Variants in FTO observed in about 807,000 individuals in gnomAD.
FTO encodes the protein alpha-ketoglutarate-dependent dioxygenase FTO.
Under a neutral mutation model 63.9 loss-of-function variants are expected in FTO, and 47 were observed. The observed-to-expected ratio is 0.74, with a 90% confidence interval of 0.58 to 0.94. FTO has a LOEUF of 0.94. Ranked by LOEUF, FTO falls within the 40% of genes least tolerant of loss-of-function variation. FTO has a pLI of 0.00. For missense variants in FTO, 562 were observed against 618.1 expected (o/e 0.91, Z 0.96); for synonymous variants, 207 against 224.4 (o/e 0.92, Z 0.69).
At chr16:54,003,818 CTT>C (rs1383642904) in intron 8 of FTO, among the ~76,000 whole-genome samples, 1 of 152,002 alleles carries the variant, frequency 6.6e-6, no homozygotes, top group Non-Finnish European at 1.5e-5. Flanking sequence ...ATTTTATAGT[CTT>C]TTTAAAAAAA....
At chr16:53,799,613 A>G (rs2078166824) in intron 1 of FTO, among the ~76,000 whole-genome samples, 1 of 152,078 alleles carries the variant, frequency 6.6e-6, no homozygotes, top group Non-Finnish European at 1.5e-5. Context: ...CCTGTAGTAG[A>G]GGGATAACAC....
At chr16:54,105,060 A>C (rs1315949362) in intron 8 of FTO, among the ~76,000 whole-genome samples, 1 of 152,214 alleles carries the variant, frequency 6.6e-6, no homozygotes, top group East Asian at 1.9e-4. Context: ...TAAAGCAGAG[A>C]AGCATTAACT....
intron 1 of FTO, among the ~76,000 whole-genome samples, chr16:53,799,248 AATT>A (rs1438499051): frequency 6.6e-6 from 1 of 151,970 alleles, no homozygotes; most frequent in African/African-American, 2.4e-5. Context: ...ATTTATGTAG[AATT>A]ATTATTATTT....
At chr16:54,061,100 G>T (rs983562643) in intron 8 of FTO, among the ~76,000 whole-genome samples, 11 of 152,160 alleles carry the variant, frequency 7.2e-5, no homozygotes, top group African/African-American at 2.7e-4. Flanking sequence ...AATCCCTTGA[G>T]GGTCCATTCC....
intron 1 of FTO, among the ~76,000 whole-genome samples, chr16:53,796,683 T>C (rs925979904): frequency 6.6e-6 from 1 of 152,192 alleles, no homozygotes; most frequent in African/African-American, 2.4e-5. Context: ...ATGAACGAAA[T>C]TGAATGATAA....
intron 1 of FTO, among the ~76,000 whole-genome samples, chr16:53,739,371 G>GTT (rs57891950): frequency 6.6e-5 from 9 of 137,196 alleles, no homozygotes; most frequent in African/African-American, 1.3e-4. Context: ...ACACCTGGCT[G>GTT]TTTTTTTTTT....
At chr16:54,032,300 G>A (rs2084850962) in intron 8 of FTO, among the ~76,000 whole-genome samples, 1 of 152,204 alleles carries the variant, frequency 6.6e-6, no homozygotes, top group South Asian at 2.1e-4. Context: ...TGGTTTGGAG[G>A]ATGAAGAAGA....
At chr16:54,062,555 A>G (rs1044818613) in intron 8 of FTO, among the ~76,000 whole-genome samples, 2 of 151,940 alleles carry the variant, frequency 1.3e-5, no homozygotes, top group Non-Finnish European at 2.9e-5. Flanking sequence ...TTTCTTTATA[A>G]TTTGTAGAGA....
intron 8 of FTO, among the ~76,000 whole-genome samples, chr16:53,983,103 A>G (rs1231224504): frequency 6.6e-6 from 1 of 152,142 alleles, no homozygotes; most frequent in Non-Finnish European, 1.5e-5. Context: ...TTTATTTCCA[A>G]AGATCCTGAG....
intron 7 of FTO, among the ~76,000 whole-genome samples, chr16:53,932,075 T>C (rs897966599): frequency 2.0e-5 from 3 of 152,166 alleles, no homozygotes; most frequent in African/African-American, 7.2e-5. Flanking sequence ...GTTATGTGCC[T>C]GGCCCAGTGA....
At chr16:53,752,982 A>G (rs953071393) in intron 1 of FTO, among the ~76,000 whole-genome samples, 15 of 150,616 alleles carry the variant, frequency 1.0e-4, no homozygotes, top group Non-Finnish European at 1.5e-4. Flanking sequence ...GGTTAGGGAT[A>G]GGAATAGGTG....
chr16:53,847,669 G>A (rs1057422539), intron 4 of FTO, among the ~76,000 whole-genome samples: 5 of 151,882 alleles, frequency 3.3e-5, no homozygotes, highest in African/African-American at 1.2e-4. Flanking sequence ...TCTGGAAGCT[G>A]AGGCAGGAGA....
At chr16:54,065,260 CCTT>C (rs1426342528) in intron 8 of FTO, among the ~76,000 whole-genome samples, 3 of 151,952 alleles carry the variant, frequency 2.0e-5, no homozygotes, top group East Asian at 1.9e-4. Flanking sequence ...TAGGCTTGAG[CCTT>C]CTTCTGCCTC....
At chr16:53,987,479 A>G (rs554785174) in intron 8 of FTO, among the ~76,000 whole-genome samples, 107 of 151,462 alleles carry the variant, frequency 7.1e-4, no homozygotes, top group Non-Finnish European at 1.3e-3. Flanking sequence ...GCTACTCGGG[A>G]GGCTGAGGCA....
At chr16:53,856,749 C>CA (rs113902497) in intron 4 of FTO, among the ~76,000 whole-genome samples, 7,868 of 138,952 alleles carry the variant, frequency 0.057, 452 homozygotes, top group South Asian at 0.13. Flanking sequence ...GACTCCATCT[C>CA]AAAAAAAAAA....
chr16:53,801,829 G>A (rs950937928), intron 1 of FTO, among the ~76,000 whole-genome samples: 23 of 151,606 alleles, frequency 1.5e-4, no homozygotes, highest in Admixed American at 3.9e-4. Context: ...GTGTGAACTC[G>A]GCTCACTGCA....
intron 8 of FTO, among the ~76,000 whole-genome samples, chr16:53,952,401 G>A (rs2143536985): frequency 6.6e-6 from 1 of 152,192 alleles, no homozygotes. Flanking sequence ...TTTTCTGAAG[G>A]GCTCTAACCT....
At chr16:53,842,667 A>ATATT (rs1408294099) in intron 3 of FTO, among the ~76,000 whole-genome samples, 4 of 151,948 alleles carry the variant, frequency 2.6e-5, no homozygotes, top group Non-Finnish European at 5.9e-5. Context: ...TATGTGCTTG[A>ATATT]TATTTATTTA....
At chr16:54,070,976 G>A (rs1388782728) in intron 8 of FTO, 2 of 152,360 alleles carry the variant, frequency 1.3e-5, no homozygotes, top group East Asian at 3.9e-4. Flanking sequence ...GGTCAAGAGA[G>A]AGATAGACCT....
Sources: gnomAD v4.1 joint callset for allele counts (sites outside exome capture counted in the v4.1 genomes callset) on GRCh38, gnomAD v4.1.1 for gene constraint, MANE v1.5 for transcripts, NCBI Gene and HGNC (gene_info 2026-07-23, HGNC 2026-07-21) for gene names.